The following MAML1 variants were observed in gnomAD, a reference collection of about 807,000 sequenced individuals.
MAML1 encodes mastermind like transcriptional coactivator 1, also known as mastermind-like protein 1.
MAML1 carries 14 observed loss-of-function variants against 77.1 expected under a neutral mutation model. The ratio of observed to expected loss-of-function variants is 0.18; its 90% CI spans 0.12 to 0.28. The LOEUF is 0.28. Among genes scored for constraint, MAML1 ranks in the 10% least tolerant of loss-of-function variants. The pLI, the probability that MAML1 is intolerant of heterozygous loss-of-function variation, is 1.00. For missense variants in MAML1, 1,217 were observed against 1,327.8 expected, an observed-to-expected ratio of 0.92 and a Z score of 1.30; for synonymous variants, 516 against 551.9, an observed-to-expected ratio of 0.93 and a Z score of 0.91.
intron 4 of MAML1, among the ~76,000 whole-genome samples, chr5:179,772,893 C>G (rs181105204): frequency 6.6e-6 from 1 of 152,090 alleles, no homozygotes; most frequent in South Asian, 2.1e-4. Flanking sequence ...CAACCCTGTT[C>G]TTTGTTTGTT....
At chr5:179,758,919 C>G (rs897699294) in intron 1 of MAML1, among the ~76,000 whole-genome samples, 3 of 151,938 alleles carry the variant, frequency 2.0e-5, no homozygotes, top group South Asian at 2.1e-4. Context: ...AGGAGAATAG[C>G]TTGAACCTGC....
intron 1 of MAML1, among the ~76,000 whole-genome samples, chr5:179,753,218 TGTGTGC>T (rs748159566): frequency 0.29 from 18,337 of 63,976 alleles, 1,139 homozygotes; most frequent in Middle Eastern, 0.36. Context: ...TGTGTGTGTG[TGTGTGC>T]GCGCGCGCGC....
chr5:179,752,763 G>A (rs567814352), intron 1 of MAML1, among the ~76,000 whole-genome samples: 20 of 150,908 alleles, frequency 1.3e-4, no homozygotes, highest in Non-Finnish European at 3.0e-4. Context: ...TTTCATCTGT[G>A]GAACTCATTT....
intron 1 of MAML1, among the ~76,000 whole-genome samples, chr5:179,751,334 C>T (rs2113352189): frequency 6.6e-6 from 1 of 152,314 alleles, no homozygotes; most frequent in East Asian, 1.9e-4. Context: ...GGTTCTTAAG[C>T]ACGTGGAATG....
At chr5:179,736,117 G>C (rs1468099358) in intron 1 of MAML1, among the ~76,000 whole-genome samples, 1 of 152,208 alleles carries the variant, frequency 6.6e-6, no homozygotes, top group Admixed American at 6.5e-5. Flanking sequence ...TTAAGTGCCT[G>C]TTTGTTGAAT....
intron 1 of MAML1, among the ~76,000 whole-genome samples, chr5:179,750,486 C>T (rs1417286086): frequency 1.3e-5 from 2 of 151,920 alleles, no homozygotes; most frequent in African/African-American, 4.8e-5. Flanking sequence ...TGTTTTAAGA[C>T]AGGGTCTCTT....
intron 1 of MAML1, among the ~76,000 whole-genome samples, chr5:179,745,193 C>A (rs910977425): frequency 1.2e-4 from 19 of 152,006 alleles, no homozygotes; most frequent in Non-Finnish European, 2.1e-4. Flanking sequence ...GCGTGAGCCA[C>A]CGTGCCCGGC....
At position 179,766,788 on chromosome 5, in the gene MAML1, G is replaced by A; in HGVS notation, c.1731+47G>A. On this transcript the variant is annotated intron_variant, in intron 2 of 4. Transcript: ENST00000292599. The surrounding 1 kb of genome is among the most constrained non-coding windows in gnomAD (Gnocchi z 4.0). Reference sequence around the variant, plus strand: ...CTGTTCCTCTGCTGCAGACACTTCAGTGAGGTTACTCACTACTTTGGATGT... The same window carrying A: ...CTGTTCCTCTGCTGCAGACACTTCAATGAGGTTACTCACTACTTTGGATGT... 1 of 1,446,740 alleles carries A rather than the reference G, an allele frequency of 6.9e-7. No individual in the cohort carries two copies. The highest frequency in any genetic ancestry group is 9.3e-7 in the Non-Finnish European group (1 of 1,079,164). 89.6% of individuals were successfully genotyped at this position (1,446,740 alleles called of 1,614,324 possible). A position where few individuals can be genotyped will look rare whatever the true frequency, so the allele number is the denominator to read the frequency against.
chr5:179,761,990 AGAG>A (rs1226743674), intron 1 of MAML1, among the ~76,000 whole-genome samples: 6 of 152,124 alleles, frequency 3.9e-5, no homozygotes, highest in East Asian at 1.9e-4. Context: ...GAGGTAAAAA[AGAG>A]GAGGCAGGAG....
At position 179,769,221 on chromosome 5, in the gene MAML1, C is replaced by T; in HGVS notation, c.1971+132C>T. 7.6e-7 allele frequency: 1 copy of T among 1,312,698 alleles called. No homozygotes were observed. Among genetic ancestry groups the T allele is most frequent in the East Asian group, 2.4e-5 (1 of 41,478 alleles). The allele number at this position is 1,312,698 out of a possible 1,614,324, so 81.3% of individuals were successfully genotyped here. On this transcript the variant is annotated intron_variant, in intron 3 of 4. Transcript: ENST00000292599. This position sits in a 1 kb window ranked among gnomAD's most constrained non-coding sequence, Gnocchi z 4.2. ...GCGTGCCTGTTGTTAGAGTGCTTTG[C>T]CTTTTAAAAACATCTTTCCAGGAAT...
intron 2 of MAML1, 126 bp from the exon 3 acceptor site, chr5:179,768,724 G>A: frequency 3.2e-6 from 4 of 1,232,146 alleles, no homozygotes; most frequent in Non-Finnish European, 4.6e-6. Flanking sequence ...TGGGATGGTT[G>A]TTATTCGAGG....
chr5:179,756,401 G>GGCCTGGGCGA (rs2113362146), intron 1 of MAML1, among the ~76,000 whole-genome samples: 1 of 150,778 alleles, frequency 6.6e-6, no homozygotes, highest in South Asian at 2.1e-4. Flanking sequence ...CTCCAGCCTG[G>GGCCTGGGCGA]GCCTGGGCGA....
At position 179,775,409 on chromosome 5, in the gene MAML1, AG is replaced by A; in HGVS notation, c.*535del. The A allele has an allele frequency of 1.0e-6, 1 of 985,178 alleles. No homozygotes were observed. Among genetic ancestry groups the A allele is most frequent in the Non-Finnish European group, 1.2e-6 (1 of 829,670 alleles). 61.0% of individuals were successfully genotyped at this position (985,178 alleles called of 1,614,324 possible). Reference sequence around the variant, plus strand: ...ATCAATTAAGTGGCATTGGAAACCTAGGGTTTCCTTTTGATTAAGAGCCTTT... The same window carrying A: ...ATCAATTAAGTGGCATTGGAAACCTAGGTTTCCTTTTGATTAAGAGCCTTT... On this transcript the variant is annotated 3_prime_UTR_variant, in exon 5 of 5. Transcript: ENST00000292599.
rs533969278 is a variant in MAML1, at chr5:179,734,041, G to C, written c.315+614G>C. Among the ~76,000 whole-genome samples the C allele has an allele frequency of 2.0e-5, 3 of 152,304 alleles. No homozygotes were observed. The South Asian group carries it at 6.2e-4, about 32-fold the overall frequency. On this transcript the variant is annotated intron_variant, in intron 1 of 4. Coordinates refer to ENST00000292599, the MANE Select transcript of MAML1 (RefSeq NM_014757.5). Reference sequence around the variant, plus strand: ...TCCTGCAATATTGTTGACAATTCTAGTTTTAATTTATCAGGCCTGTTTAAA... The same window carrying C: ...TCCTGCAATATTGTTGACAATTCTACTTTTAATTTATCAGGCCTGTTTAAA...
intron 1 of MAML1, among the ~76,000 whole-genome samples, chr5:179,743,364 CTTTTTTTTTT>C (rs1187480234): frequency 1.1e-5 from 1 of 91,770 alleles, no homozygotes; most frequent in Non-Finnish European, 2.1e-5. Flanking sequence ...CTGCCCCACG[CTTTTTTTTTT>C]TTTTTTTTTT....
In MAML1 at chr5:179,732,925, C is replaced by G. The variant is rs547906619; in HGVS notation, c.-188C>G. 3.0e-5 allele frequency: 9 copies of G among 295,282 alleles called. No homozygotes were observed. Among genetic ancestry groups the G allele is most frequent in the South Asian group, 3.2e-4 (2 of 6,244 alleles). 18.3% of individuals were successfully genotyped at this position (295,282 alleles called of 1,614,324 possible). On this transcript the variant is annotated 5_prime_UTR_variant, in exon 1 of 5. Coordinates refer to ENST00000292599, the MANE Select transcript of MAML1 (RefSeq NM_014757.5). ...GCCGAGGCTTGAGGTAGGCAGCAAG[C>G]GCCGGCTGGGGGTCGGGCCGAGCGG...
chr5:179,760,098 C>G (rs1450966680), intron 1 of MAML1, among the ~76,000 whole-genome samples: 2 of 147,702 alleles, frequency 1.4e-5, no homozygotes, highest in African/African-American at 5.4e-5. Context: ...TCTGAGTCAT[C>G]ACTCAAGTGG....
chr5:179,765,292 T>A, intron 1 of MAML1, 34 bp from the exon 2 acceptor site: 2 of 1,530,220 alleles, frequency 1.3e-6, no homozygotes, highest in South Asian at 2.5e-5. Flanking sequence ...CAAATTCATA[T>A]GTATCTTAAG....
intron 1 of MAML1, among the ~76,000 whole-genome samples, chr5:179,744,872 A>C (rs1779349747): frequency 6.6e-6 from 1 of 152,086 alleles, no homozygotes; most frequent in African/African-American, 2.4e-5. Context: ...AGTTATAGTA[A>C]TTTAGTACAA....
Sources: gnomAD v4.1 joint callset for allele counts (sites outside exome capture counted in the v4.1 genomes callset) on GRCh38, gnomAD v4.1.1 for gene constraint, Gnocchi (gnomAD v3.1) non-coding constraint, MANE v1.5 for transcripts, NCBI Gene and HGNC (gene_info 2026-07-23, HGNC 2026-07-21) for gene names.